Variants in ANKRD11 observed in about 807,000 individuals in gnomAD.
ANKRD11 encodes ankyrin repeat domain 11.
A neutral mutation model predicts 195.7 loss-of-function variants in ANKRD11; 17 were observed. That is an observed-to-expected ratio of 0.09 (90% CI 0.06 to 0.13). The LOEUF (loss-of-function observed/expected upper bound fraction) is 0.13. ANKRD11 is among the 10% of genes least tolerant of loss of function. The probability of loss-of-function intolerance (pLI) is 1.00; values close to 1 mark genes in which losing one functional copy is unlikely to be tolerated. For missense variants in ANKRD11, 3,735 were observed against 3,566.1 expected, an observed-to-expected ratio of 1.05 and a Z score of -1.21; for synonymous variants, 1,953 against 1,528.1, an observed-to-expected ratio of 1.28 and a Z score of -6.49.
At chr16:89,347,473 T>C (rs1300111079) in intron 2 of ANKRD11, among the ~76,000 whole-genome samples, 3 of 151,946 alleles carry the variant, frequency 2.0e-5, no homozygotes, top group East Asian at 3.9e-4. Flanking sequence ...TAGCCGGGCG[T>C]GGTGGCAGGC....
intron 1 of ANKRD11, among the ~76,000 whole-genome samples, chr16:89,477,947 A>G (rs1403752190): frequency 1.3e-5 from 2 of 152,082 alleles, no homozygotes; most frequent in African/African-American, 2.4e-5. Flanking sequence ...ACAGAGCAAG[A>G]CTCCATCTCA....
At position 89,279,424 on chromosome 16, in the gene ANKRD11, C is replaced by G. The variant is rs1270423899; in HGVS notation, c.7118G>C (p.Gly2373Ala). The change falls in exon 9 of 13, where the codon GGC becomes GCC. Residue 2373 changes from glycine (G) to alanine (A), a missense_variant. By Grantham distance (60) the Gly-to-Ala change is moderately conservative. Transcript: ENST00000301030. This position sits in a 1 kb window ranked among gnomAD's most constrained non-coding sequence, Gnocchi z 5.6. ...GGCCTGGGCGTCGTCGTCCTCGGAG[C>G]CGCGGGCCTTGGCCCTGGTGACCGG... ...PAPVTRAKAR[G>A]SEDDDAQAQH... The G allele has an allele frequency of 6.6e-7, 1 of 1,525,610 alleles. No homozygotes were observed. The highest frequency in any genetic ancestry group is 1.4e-5 in the African/African-American group (1 of 72,394). The allele number at this position is 1,525,610 out of a possible 1,614,324, so 94.5% of individuals were successfully genotyped here. A position where few individuals can be genotyped will look rare whatever the true frequency, so the allele number is the denominator to read the frequency against.
At chr16:89,345,698 A>G (rs1454032502) in intron 2 of ANKRD11, among the ~76,000 whole-genome samples, 1 of 152,250 alleles carries the variant, frequency 6.6e-6, no homozygotes, top group African/African-American at 2.4e-5. Context: ...CTGGCTCAGC[A>G]CGAGCTGAGT....
intron 1 of ANKRD11, among the ~76,000 whole-genome samples, chr16:89,435,796 TCACACACACACACACACACA>T (rs58503159): frequency 1.4e-5 from 2 of 143,016 alleles, no homozygotes; most frequent in African/African-American, 2.6e-5. Flanking sequence ...CACCAGCTCT[TCACACACACACACACACACA>T]CACACACACA....
At chr16:89,270,931 G>T (rs779048575) in intron 11 of ANKRD11, 22 bp from the exon 12 acceptor site, 1 of 1,612,716 alleles carries the variant, frequency 6.2e-7, no homozygotes, top group Admixed American at 1.7e-5. Context: ...AAACACGGGA[G>T]TTTCATCAGG....
chr16:89,465,895 A>G (rs1214209355), intron 1 of ANKRD11, among the ~76,000 whole-genome samples: 2 of 152,088 alleles, frequency 1.3e-5, no homozygotes, highest in South Asian at 2.1e-4. Context: ...TATTTTTAGT[A>G]GAGATGGGGT....
chr16:89,417,729 C>G (rs1214836346), intron 2 of ANKRD11, among the ~76,000 whole-genome samples: 1 of 152,118 alleles, frequency 6.6e-6, no homozygotes, highest in African/African-American at 2.4e-5. Flanking sequence ...AAGAGCACAA[C>G]AGCTCCCAGG....
intron 2 of ANKRD11, among the ~76,000 whole-genome samples, chr16:89,335,625 C>A (rs2038313143): frequency 6.6e-6 from 1 of 152,200 alleles, no homozygotes; most frequent in East Asian, 1.9e-4. Context: ...AGCCCCGTCA[C>A]ACACACAAGC....
chr16:89,337,500 G>A (rs1377725567), intron 2 of ANKRD11, among the ~76,000 whole-genome samples: 10 of 131,248 alleles, frequency 7.6e-5, no homozygotes, highest in East Asian at 2.4e-4. Flanking sequence ...GCAGTGGTGC[G>A]ATCTCAGCTC....
At chr16:89,345,309 A>G (rs930457533) in intron 2 of ANKRD11, among the ~76,000 whole-genome samples, 7 of 148,924 alleles carry the variant, frequency 4.7e-5, no homozygotes, top group African/African-American at 1.5e-4. Context: ...ACGGATGGAA[A>G]GCACTCGACC....
At chr16:89,395,364 G>C (rs1188891374) in intron 2 of ANKRD11, among the ~76,000 whole-genome samples, 2 of 152,254 alleles carry the variant, frequency 1.3e-5, no homozygotes, top group East Asian at 1.9e-4. Context: ...TGTTACATAA[G>C]AGCCCAGTCC....
chr16:89,367,035 C>T (rs2039977129), intron 2 of ANKRD11, among the ~76,000 whole-genome samples: 1 of 152,190 alleles, frequency 6.6e-6, no homozygotes, highest in South Asian at 2.1e-4. Flanking sequence ...GGCTGGATGC[C>T]CAGCCACGGC....
chr16:89,339,322 G>A (rs2038540539), intron 2 of ANKRD11, among the ~76,000 whole-genome samples: 2 of 152,218 alleles, frequency 1.3e-5, no homozygotes, highest in African/African-American at 4.8e-5. Context: ...AAAGGAGTAA[G>A]AGAGGCCCAG....
In ANKRD11 at chr16:89,281,268, G is replaced by A. The variant is rs367764283; in HGVS notation, c.5274C>T (p.Pro1758=). The change falls in exon 9 of 13, where the codon CCC becomes CCT. Residue 1758 remains proline, a synonymous_variant. Coordinates refer to ENST00000301030, the MANE Select transcript of ANKRD11 (RefSeq NM_013275.6). The surrounding 1 kb of genome is among the most constrained non-coding windows in gnomAD (Gnocchi z 5.5). The part of the protein sequence containing the change: ...VPTAPTSACS[P]SFFDRFSVAS... ...CCACGGAGAACCTGTCGAAAAAGGA[G>A]GGGGAGCAGGCGCTGGTGGGAGCGG... 2.4e-5 allele frequency: 39 copies of A among 1,614,254 alleles called. 2 individuals are homozygous for A. The highest frequency in any genetic ancestry group is 1.1e-4 in the East Asian group (5 of 44,888).
chr16:89,278,593 C>G (rs1032230248), intron 9 of ANKRD11: 18 of 457,678 alleles, frequency 3.9e-5, no homozygotes, highest in Non-Finnish European at 5.7e-5. Flanking sequence ...AGCTGCAGCT[C>G]TGCTGTCCCA....
chr16:89,330,855 T>G lies in ANKRD11; in HGVS notation c.-59-13777A>C, dbSNP rs530511982. Among the ~76,000 whole-genome samples the G allele has an allele frequency of 8.5e-5, 13 of 152,310 alleles. No individual in the cohort carries two copies. The East Asian group carries it at 2.5e-3, about 29-fold the overall frequency. On this transcript the variant is annotated intron_variant, in intron 2 of 12. Transcript: ENST00000301030. ...TGGACACTCTTTAAACTTCCCCCAG[T>G]GGCTTTTGATTAAAACCTGGTAATT...
At chr16:89,287,995 G>A in intron 7 of ANKRD11, 1 of 487,310 alleles carries the variant, frequency 2.1e-6, no homozygotes, top group East Asian at 3.1e-5. Flanking sequence ...TTTCCGGCAG[G>A]ACGGGGCTGT....
chr16:89,430,871 C>T (rs1163796657), intron 1 of ANKRD11, among the ~76,000 whole-genome samples: 1 of 152,198 alleles, frequency 6.6e-6, no homozygotes, highest in Non-Finnish European at 1.5e-5. Context: ...TCATCATGTT[C>T]GTCAGCCCTG....
chr16:89,473,281 C>T (rs2057150019), intron 1 of ANKRD11, among the ~76,000 whole-genome samples: 1 of 152,104 alleles, frequency 6.6e-6, no homozygotes, highest in African/African-American at 2.4e-5. Flanking sequence ...GCAAAGACCT[C>T]AAGAACTCTG....
Sources: allele counts gnomAD v4.1 joint callset (sites outside exome capture counted in the v4.1 genomes callset), GRCh38; gene constraint gnomAD v4.1.1; non-coding constraint Gnocchi (gnomAD v3.1); transcripts MANE v1.5; gene names NCBI Gene and HGNC (gene_info 2026-07-23, HGNC 2026-07-21).